ZNF385D: variants seen among roughly 807,000 people sequenced by gnomAD.
ZNF385D encodes zinc finger protein 659.
ZNF385D carries 15 observed loss-of-function variants against 35.8 expected under a neutral mutation model. That is an observed-to-expected ratio of 0.42 (90% CI 0.28 to 0.64). The LOEUF is 0.64. Ranked by LOEUF, ZNF385D falls within the 30% of genes least tolerant of loss-of-function variation. The probability of loss-of-function intolerance (pLI) is 0.23; values close to 1 mark genes in which losing one functional copy is unlikely to be tolerated. For missense variants in ZNF385D, 474 were observed against 494.6 expected (o/e 0.96, Z 0.39); for synonymous variants, 212 against 186.8 (o/e 1.13, Z -1.10).
intron 1 of ZNF385D, among the ~76,000 whole-genome samples, chr3:21,718,511 T>G (rs1183629006): frequency 6.6e-6 from 1 of 152,216 alleles, no homozygotes; most frequent in Non-Finnish European, 1.5e-5. Flanking sequence ...GCTAAGAACT[T>G]TACACATATT....
intron 2 of ZNF385D, among the ~76,000 whole-genome samples, chr3:22,249,829 A>T (rs543820387): frequency 6.6e-6 from 1 of 152,182 alleles, no homozygotes; most frequent in African/African-American, 2.4e-5. Context: ...ACTAGAGTCC[A>T]CCTGAAACAA....
intron 2 of ZNF385D, among the ~76,000 whole-genome samples, chr3:22,339,697 C>G (rs966916096): frequency 2.2e-4 from 33 of 152,178 alleles, no homozygotes; most frequent in Non-Finnish European, 4.7e-4. Context: ...GAAATTAATG[C>G]TCACCTGCTT....
chr3:22,247,673 A>T (rs1469976826), intron 2 of ZNF385D, among the ~76,000 whole-genome samples: 1 of 150,964 alleles, frequency 6.6e-6, no homozygotes. Context: ...TCTGTCACCC[A>T]GTCTGGAATG....
At chr3:21,810,136 TAATC>T (rs2072847705) in intron 3 of ZNF385D, among the ~76,000 whole-genome samples, 1 of 151,136 alleles carries the variant, frequency 6.6e-6, no homozygotes, top group African/African-American at 2.4e-5. Flanking sequence ...GACACACAAA[TAATC>T]AATAAAATAT....
chr3:21,663,462 G>A (rs560456062), intron 2 of ZNF385D, among the ~76,000 whole-genome samples: 1 of 152,140 alleles, frequency 6.6e-6, no homozygotes, highest in East Asian at 2.0e-4. Flanking sequence ...CACCTTGATG[G>A]GTAATTCCCC....
intron 3 of ZNF385D, chr3:22,168,439 C>A (rs1252541627): frequency 6.6e-6 from 1 of 152,034 alleles, no homozygotes; most frequent in Non-Finnish European, 1.5e-5. Flanking sequence ...TGCAGTGTTA[C>A]CAACCAATTG....
intron 2 of ZNF385D, among the ~76,000 whole-genome samples, chr3:22,326,573 G>T (rs937326921): frequency 2.0e-5 from 3 of 152,156 alleles, no homozygotes; most frequent in African/African-American, 4.8e-5. Flanking sequence ...AAAAGAAGGA[G>T]CAAGTTTAAA....
chr3:22,123,804 G>C (rs1435546956), intron 3 of ZNF385D, among the ~76,000 whole-genome samples: 1 of 151,968 alleles, frequency 6.6e-6, no homozygotes, highest in African/African-American at 2.4e-5. Flanking sequence ...GGAGGTTGCA[G>C]GGAACTGAGA....
chr3:21,578,211 TATATTACGG>T (rs1476860267), intron 2 of ZNF385D, among the ~76,000 whole-genome samples: 4 of 152,180 alleles, frequency 2.6e-5, no homozygotes, highest in Non-Finnish European at 5.9e-5. Flanking sequence ...GAATTCTTTG[TATATTACGG>T]ATATTAATCC....
At chr3:22,003,867 C>A (rs35742704) in intron 3 of ZNF385D, among the ~76,000 whole-genome samples, 42 of 150,490 alleles carry the variant, frequency 2.8e-4, no homozygotes, top group African/African-American at 1.0e-3. Flanking sequence ...ACTCCATCCC[C>A]CCACCAAAAA....
chr3:22,302,732 T>C (rs1702971775), intron 2 of ZNF385D, among the ~76,000 whole-genome samples: 1 of 152,154 alleles, frequency 6.6e-6, no homozygotes, highest in African/African-American at 2.4e-5. Context: ...CATGGCTTTA[T>C]CTGTATACAT....
At chr3:22,120,981 C>A (rs971318698) in intron 3 of ZNF385D, among the ~76,000 whole-genome samples, 2 of 152,146 alleles carry the variant, frequency 1.3e-5, no homozygotes, top group Admixed American at 6.6e-5. Context: ...AGACCATATT[C>A]AACATCTGAA....
At chr3:21,474,092 G>A (rs747570899) in intron 4 of ZNF385D, among the ~76,000 whole-genome samples, 142 of 141,528 alleles carry the variant, frequency 1.0e-3, no homozygotes, top group Non-Finnish European at 1.8e-3. Context: ...TGTATACCTA[G>A]TACCTTCGAG....
chr3:21,849,613 T>C (rs1384945688), intron 3 of ZNF385D: 4 of 138,052 alleles, frequency 2.9e-5, no homozygotes, highest in Admixed American at 2.2e-4. Flanking sequence ...TTCTTTTTTT[T>C]TTTTTTTTTT....
At chr3:21,907,120 TA>T (rs1408786343) in intron 3 of ZNF385D, among the ~76,000 whole-genome samples, 1 of 152,202 alleles carries the variant, frequency 6.6e-6, no homozygotes, top group Non-Finnish European at 1.5e-5. Context: ...TATTAGAACT[TA>T]CACCTCTTCA....
intron 3 of ZNF385D, among the ~76,000 whole-genome samples, chr3:22,027,109 T>C (rs536154999): frequency 6.6e-6 from 1 of 152,352 alleles, no homozygotes; most frequent in African/African-American, 2.4e-5. Flanking sequence ...AATATACCTT[T>C]ACTGTCCTAC....
At chr3:21,598,567 T>C (rs2064190092) in intron 2 of ZNF385D, among the ~76,000 whole-genome samples, 1 of 152,190 alleles carries the variant, frequency 6.6e-6, no homozygotes, top group South Asian at 2.1e-4. Context: ...AAAGTGAGCT[T>C]TCTGCCCAAC....
intron 3 of ZNF385D, among the ~76,000 whole-genome samples, chr3:21,984,537 G>A (rs1237789439): frequency 1.6e-5 from 2 of 124,578 alleles, no homozygotes; most frequent in African/African-American, 6.7e-5. Context: ...CTCTGTTTTG[G>A]TACCAGTACC....
chr3:21,811,382 G>A (rs1434991835), intron 3 of ZNF385D, among the ~76,000 whole-genome samples: 1 of 152,130 alleles, frequency 6.6e-6, no homozygotes, highest in Non-Finnish European at 1.5e-5. Context: ...TAGGAAGCAA[G>A]AAGTTTATCA....
Sources: gnomAD v4.1 joint callset for allele counts (sites outside exome capture counted in the v4.1 genomes callset) on GRCh38, gnomAD v4.1.1 for gene constraint, MANE v1.5 for transcripts, NCBI Gene and HGNC (gene_info 2026-07-23, HGNC 2026-07-21) for gene names.